Variants in NMNAT1 observed in about 807,000 individuals in gnomAD.
NMNAT1 encodes the protein nicotinamide nucleotide adenylyltransferase 1.
Under a neutral mutation model 16.7 loss-of-function variants are expected in NMNAT1, and 11 were observed. The ratio of observed to expected loss-of-function variants is 0.66; its 90% confidence interval spans 0.41 to 1.09. The LOEUF (loss-of-function observed/expected upper bound fraction) is 1.09. NMNAT1 is among the 50% of genes least tolerant of loss of function. The pLI is 0.00. For synonymous variants in NMNAT1, 110 were observed against 119.8 expected (o/e 0.92, Z 0.53); for missense variants, 280 against 332.3 (o/e 0.84, Z 1.22).
chr1:9,974,002 C>T (rs1308021361), intron 2 of NMNAT1, among the ~76,000 whole-genome samples: 2 of 151,788 alleles, frequency 1.3e-5, no homozygotes, highest in Non-Finnish European at 2.9e-5. Context: ...CATGCCCGGC[C>T]CATTTTTGTA....
intron 1 of NMNAT1, among the ~76,000 whole-genome samples, chr1:9,965,435 G>A (rs984739218): frequency 5.3e-5 from 8 of 150,508 alleles, no homozygotes; most frequent in Non-Finnish European, 1.0e-4. Context: ...ACAGAGTCTC[G>A]CTCTGTCACC....
intron 1 of NMNAT1, chr1:9,949,763 A>G (rs551107928): frequency 1.3e-5 from 2 of 151,974 alleles, no homozygotes; most frequent in East Asian, 3.9e-4. Flanking sequence ...GCCCCACTAC[A>G]TTCTTAAAGA....
At chr1:9,948,887 A>G (rs529491146) in intron 1 of NMNAT1, among the ~76,000 whole-genome samples, 1 of 149,116 alleles carries the variant, frequency 6.7e-6, no homozygotes, top group East Asian at 2.1e-4. Context: ...ACCTCAGGTG[A>G]TTCACCCACC....
chr1:9,945,787 C>T (rs1005192219), intron 1 of NMNAT1, among the ~76,000 whole-genome samples: 2 of 152,008 alleles, frequency 1.3e-5, no homozygotes, highest in South Asian at 4.1e-4. Flanking sequence ...TTTTGTTTGC[C>T]CTGTCACCCA....
At chr1:9,978,977 A>T (rs1211700108) in intron 3 of NMNAT1, among the ~76,000 whole-genome samples, 3 of 152,138 alleles carry the variant, frequency 2.0e-5, no homozygotes, top group East Asian at 1.9e-4. Context: ...TGGGCTCTGG[A>T]CCAGACTGCT....
chr1:9,968,374 C>T (rs1641607965), intron 1 of NMNAT1, among the ~76,000 whole-genome samples: 1 of 150,838 alleles, frequency 6.6e-6, no homozygotes, highest in South Asian at 2.1e-4. Context: ...GCCTGGCCTG[C>T]CAAATGTAGT....
chr1:9,983,816 G>C lies in NMNAT1; in HGVS notation c.*1115G>C, dbSNP rs540046530. On this transcript the variant is annotated 3_prime_UTR_variant, in exon 5 of 5. Transcript: ENST00000377205. ...GTCCTGAAAAGTAATGATAGAGCAA[G>C]ATGAAGCTATCAGAACTGAATTTGG... is the stretch of plus-strand genomic sequence containing the variant. 6.6e-6 allele frequency: 1 copy of C among 152,262 alleles called. No homozygotes were observed. The highest frequency in any genetic ancestry group is 2.1e-4 in the South Asian group (1 of 4,832). 9.4% of individuals were successfully genotyped at this position (152,262 alleles called of 1,614,324 possible). A position where few individuals can be genotyped will look rare whatever the true frequency, so the allele number is the denominator to read the frequency against.
chr1:9,969,416 G>A (rs2101687536), intron 1 of NMNAT1, among the ~76,000 whole-genome samples: 1 of 152,228 alleles, frequency 6.6e-6, no homozygotes, highest in East Asian at 1.9e-4. Flanking sequence ...CAGGAAATTA[G>A]AGCATGAAGG....
intron 1 of NMNAT1, among the ~76,000 whole-genome samples, chr1:9,961,568 G>A (rs1007373752): frequency 2.0e-5 from 3 of 152,158 alleles, no homozygotes; most frequent in African/African-American, 7.2e-5. Flanking sequence ...GGGATAAAGG[G>A]TATGGGTACA....
chr1:9,954,009 T>G (rs559762765), intron 1 of NMNAT1, among the ~76,000 whole-genome samples: 2 of 151,326 alleles, frequency 1.3e-5, no homozygotes, highest in East Asian at 3.9e-4. Context: ...TTTTGCCATG[T>G]TGGCCAGGCT....
At chr1:9,974,100 A>C (rs1641752813) in intron 2 of NMNAT1, among the ~76,000 whole-genome samples, 1 of 152,154 alleles carries the variant, frequency 6.6e-6, no homozygotes, top group Admixed American at 6.6e-5. Context: ...GGCCTCCCAA[A>C]GTGCTGGAAT....
downstream of NMNAT1, among the ~76,000 whole-genome samples, chr1:9,990,043 G>A (rs781455489): frequency 1.3e-5 from 2 of 152,210 alleles, no homozygotes; most frequent in South Asian, 2.1e-4. Flanking sequence ...CCCTGCCAGC[G>A]CCAAAGTGGC....
intron 1 of NMNAT1, among the ~76,000 whole-genome samples, chr1:9,948,365 A>C (rs1035104684): frequency 1.3e-5 from 2 of 152,142 alleles, no homozygotes; most frequent in African/African-American, 4.8e-5. Flanking sequence ...GCTTGAGCCC[A>C]GGAGTTCGAG....
At chr1:9,963,307 A>G (rs1209837567) in intron 1 of NMNAT1, among the ~76,000 whole-genome samples, 1 of 152,168 alleles carries the variant, frequency 6.6e-6, no homozygotes, top group Admixed American at 6.6e-5. Flanking sequence ...TGGGCTACAA[A>G]TGAACAGTCT....
At chr1:9,972,336 C>A in intron 2 of NMNAT1, 148 bp downstream of exon 2, 1 of 576,500 alleles carries the variant, frequency 1.7e-6, no homozygotes, top group East Asian at 2.9e-5. Flanking sequence ...TGGTAAAACC[C>A]TGTCTCTACT....
At chr1:9,958,544 A>G (rs1641325674) in intron 1 of NMNAT1, among the ~76,000 whole-genome samples, 1 of 151,740 alleles carries the variant, frequency 6.6e-6, no homozygotes, top group African/African-American at 2.4e-5. Flanking sequence ...GGTTCAAGCA[A>G]TTCTCCTGCC....
chr1:9,955,903 A>G (rs1641247436), intron 1 of NMNAT1: 1 of 152,142 alleles, frequency 6.6e-6, no homozygotes, highest in Admixed American at 6.6e-5. Context: ...ATCTGGGCCT[A>G]AAAGTCAATA....
At chr1:9,961,693 C>T (rs1641411745) in intron 1 of NMNAT1, among the ~76,000 whole-genome samples, 2 of 152,132 alleles carry the variant, frequency 1.3e-5, no homozygotes, top group African/African-American at 4.8e-5. Context: ...TACTACTGAA[C>T]CTTCTCCGTT....
intron 3 of NMNAT1, among the ~76,000 whole-genome samples, chr1:9,977,826 C>T (rs765949816): frequency 6.6e-6 from 1 of 151,940 alleles, no homozygotes; most frequent in African/African-American, 2.4e-5. Flanking sequence ...CCACTGCACT[C>T]CAGCCTGGGC....
Sources: gnomAD v4.1 joint callset for allele counts (sites outside exome capture counted in the v4.1 genomes callset) on GRCh38, gnomAD v4.1.1 for gene constraint, MANE v1.5 for transcripts, NCBI Gene and HGNC (gene_info 2026-07-23, HGNC 2026-07-21) for gene names.